TULP4: variants seen among roughly 807,000 people sequenced by gnomAD.
TULP4 encodes the protein TUB like protein 4, also known as tubby-related protein 4.
TULP4 carries 16 observed loss-of-function variants against 129.0 expected under a neutral mutation model. The observed-to-expected ratio is 0.12, with a 90% CI of 0.08 to 0.19. The LOEUF (loss-of-function observed/expected upper bound fraction) is 0.19. Among genes scored for constraint, TULP4 ranks in the 10% least tolerant of loss-of-function variants. The pLI is 1.00. For synonymous variants in TULP4, 998 were observed against 854.0 expected, an observed-to-expected ratio of 1.17 and a Z score of -2.94; for missense variants, 1,842 against 2,059.1, an observed-to-expected ratio of 0.89 and a Z score of 2.04.
At chr6:158,440,840 G>A (rs62438577) in intron 3 of TULP4, among the ~76,000 whole-genome samples, 2 of 152,196 alleles carry the variant, frequency 1.3e-5, no homozygotes. Context: ...AGCAGAAACA[G>A]GTGCAGCTAC....
intron 1 of TULP4, among the ~76,000 whole-genome samples, chr6:158,233,085 C>G (rs569657199): frequency 1.3e-5 from 2 of 152,216 alleles, no homozygotes; most frequent in African/African-American, 4.8e-5. Flanking sequence ...TGTGGCGACA[C>G]CGCTTCAGGG....
At chr6:158,397,987 T>C (rs1777756882) in intron 1 of TULP4, 1 of 152,196 alleles carries the variant, frequency 6.6e-6, no homozygotes, top group Non-Finnish European at 1.5e-5. Context: ...TAATTGAAAA[T>C]AGTAGGTTTA....
At chr6:158,468,294 T>G (rs1779598618) in intron 6 of TULP4, among the ~76,000 whole-genome samples, 1 of 152,240 alleles carries the variant, frequency 6.6e-6, no homozygotes, top group African/African-American at 2.4e-5. Context: ...TGCCTTTCTT[T>G]ATTACTATTT....
At chr6:158,246,023 GGTGTGTGTGTGTGTGTGTGTGTGT>G (rs66690741) in intron 1 of TULP4, among the ~76,000 whole-genome samples, 1 of 145,820 alleles carries the variant, frequency 6.9e-6, no homozygotes, top group African/African-American at 2.6e-5. Context: ...ACCCCTTAGG[GGTGTGTGTGTGTGTGTGTGTGTGT>G]GTGTGTGTGT....
chr6:158,313,275 A>C lies in TULP4; in HGVS notation c.-742A>C. Reference sequence around the variant, plus strand: ...ATGGAGCCCTGCGTTCCCCGGGGACACAGGGCCAAGCTTTGAGGTGGAAAG... The same window carrying C: ...ATGGAGCCCTGCGTTCCCCGGGGACCCAGGGCCAAGCTTTGAGGTGGAAAG... On this transcript the variant is annotated 5_prime_UTR_variant, in exon 1 of 14. Transcript: ENST00000367097. 2.6e-6 allele frequency: 1 copy of C among 383,990 alleles called. No individual in the cohort carries two copies. Among genetic ancestry groups the C allele is most frequent in the Non-Finnish European group, 4.6e-6 (1 of 217,618 alleles). The allele number at this position is 383,990 out of a possible 1,614,324, so 23.8% of individuals were successfully genotyped here.
intron 1 of TULP4, among the ~76,000 whole-genome samples, chr6:158,332,200 AAT>A (rs776893885): frequency 0.032 from 570 of 17,860 alleles, 3 homozygotes; most frequent in East Asian, 0.093. Flanking sequence ...AAAAAAAAAA[AAT>A]ATATATATAT....
At chr6:158,332,970 A>C (rs1779945768) in intron 1 of TULP4, among the ~76,000 whole-genome samples, 1 of 152,162 alleles carries the variant, frequency 6.6e-6, no homozygotes, top group Admixed American at 6.5e-5. Context: ...TACACATTAC[A>C]TATATGTGTT....
At position 158,334,509 on chromosome 6, in the gene TULP4, C is replaced by CAG. The variant is rs1779987604; in HGVS notation, c.252+20241_252+20242insAG. On this transcript the variant is annotated intron_variant, in intron 1 of 13. Transcript: ENST00000367097. ...ACTGTTTATGTTATTGGTAAGGCTA[C>CAG]TGATCAGCAATAGACATGAGTAAAT... 3.9e-5 allele frequency among the ~76,000 whole-genome samples: 6 copies of CAG among 152,298 alleles called. No individual in the cohort carries two copies. In the East Asian group the frequency reaches 1.2e-3, roughly 29 times the overall value.
chr6:158,253,503 G>C (rs6913401), intron 1 of TULP4, among the ~76,000 whole-genome samples: 49,949 of 151,968 alleles, frequency 0.33, 9,212 homozygotes, highest in Admixed American at 0.45. Flanking sequence ...ATGTCAGGTG[G>C]GCTACCTGGT....
rs554616162 is a variant in TULP4 at position 158,373,769 on chromosome 6, A to G, written c.253-39296A>G. On this transcript the variant is annotated intron_variant, in intron 1 of 13. Coordinates refer to ENST00000367097, the MANE Select transcript of TULP4 (RefSeq NM_020245.5). ...CTACCTTGTCATATAGTGTGTTTGT[A>G]GCATTCTTTCCATGTTAATATATTC... Among the ~76,000 whole-genome samples the G allele has an allele frequency of 8.5e-5, 13 of 152,290 alleles. No individual in the cohort carries two copies. The South Asian group carries it at 2.3e-3, about 27-fold the overall frequency.
At chr6:158,422,957 G>A (rs1778384483) in intron 2 of TULP4, among the ~76,000 whole-genome samples, 1 of 152,236 alleles carries the variant, frequency 6.6e-6, no homozygotes, top group Non-Finnish European at 1.5e-5. Flanking sequence ...AGTTTCTAAT[G>A]GTCTGCATTT....
At chr6:158,350,723 A>G (rs2114798053) in intron 1 of TULP4, among the ~76,000 whole-genome samples, 1 of 151,804 alleles carries the variant, frequency 6.6e-6, no homozygotes, top group South Asian at 2.1e-4. Flanking sequence ...AGACCGTAGA[A>G]AGAAAGGAAG....
intron 1 of TULP4, among the ~76,000 whole-genome samples, chr6:158,362,525 T>C (rs1303404185): frequency 6.7e-6 from 1 of 150,124 alleles, no homozygotes; most frequent in Non-Finnish European, 1.5e-5. Flanking sequence ...AATTTTGGTA[T>C]TTTTTATAGA....
At position 158,363,739 on chromosome 6, in the gene TULP4, C is replaced by A. The variant is rs542957296; in HGVS notation, c.253-49326C>A. Among the ~76,000 whole-genome samples, 11 of 152,284 alleles carry A rather than the reference C, an allele frequency of 7.2e-5. No homozygotes were observed. The East Asian group carries it at 2.1e-3, about 29-fold the overall frequency. On this transcript the variant is annotated intron_variant, in intron 1 of 13. Transcript: ENST00000367097. ...GACCTCAGGTGATCCACCCCCCCGGCCTCCCAAAGTGCTGGGATTACAGGC... is the reference window on the plus strand; with the variant it reads ...GACCTCAGGTGATCCACCCCCCCGGACTCCCAAAGTGCTGGGATTACAGGC...
intron 1 of TULP4, among the ~76,000 whole-genome samples, chr6:158,363,018 C>T (rs947163144): frequency 1.7e-4 from 23 of 138,882 alleles, no homozygotes; most frequent in African/African-American, 6.3e-4. Context: ...GCCAAGATTG[C>T]GCGTCTGCAC....
intron 3 of TULP4, among the ~76,000 whole-genome samples, chr6:158,444,823 T>C (rs774612033): frequency 6.6e-6 from 1 of 152,154 alleles, no homozygotes; most frequent in Non-Finnish European, 1.5e-5. Flanking sequence ...TTTGTGTGTA[T>C]GTGTGTGTGT....
At chr6:158,435,699 A>T (rs1778735245) in intron 3 of TULP4, among the ~76,000 whole-genome samples, 1 of 151,872 alleles carries the variant, frequency 6.6e-6, no homozygotes, top group Non-Finnish European at 1.5e-5. Context: ...TCACACTGCG[A>T]CACCATCACC....
chr6:158,445,721 G>A (rs1779020746), intron 3 of TULP4, among the ~76,000 whole-genome samples: 1 of 152,228 alleles, frequency 6.6e-6, no homozygotes, highest in Non-Finnish European at 1.5e-5. Flanking sequence ...GTCCTTGCTT[G>A]ATGGGGTCTG....
intron 1 of TULP4, among the ~76,000 whole-genome samples, chr6:158,232,735 C>T (rs533485562): frequency 6.6e-6 from 1 of 152,076 alleles, no homozygotes; most frequent in Non-Finnish European, 1.5e-5. Context: ...CTGCGCTCCT[C>T]CTCTTCCTCC....
Sources: gnomAD v4.1 joint callset for allele counts (sites outside exome capture counted in the v4.1 genomes callset) on GRCh38, gnomAD v4.1.1 for gene constraint, MANE v1.5 for transcripts, NCBI Gene and HGNC (gene_info 2026-07-23, HGNC 2026-07-21) for gene names.